DHX16: variants seen among roughly 807,000 people sequenced by gnomAD.
DHX16 encodes the protein DEAH-box helicase 16.
In DHX16, 81 loss-of-function variants were observed where a neutral mutation model predicts 131.2. The ratio of observed to expected loss-of-function variants is 0.62; its 90% CI spans 0.52 to 0.74. The LOEUF (loss-of-function observed/expected upper bound fraction) is 0.74, where lower values mean the gene tolerates loss of function less well. Among genes scored for constraint, DHX16 ranks in the 30% least tolerant of loss-of-function variants. DHX16 has a pLI of 0.00. For missense variants in DHX16, 980 were observed against 1,363.1 expected, an observed-to-expected ratio of 0.72 and a Z score of 4.43; for synonymous variants, 440 against 520.2, an observed-to-expected ratio of 0.85 and a Z score of 2.10.
Position 30,659,720 on chromosome 6 carries a change from C to T in DHX16, c.1854+16G>A. The stretch of plus-strand genomic sequence containing the variant: ...CCCTGGGATACATCATCCCCTCTCC[C>T]CACCATGTCAGGCACCTGTCCTGTC... On this transcript the variant is annotated intron_variant, in intron 11 of 19. Coordinates refer to ENST00000376442, the MANE Select transcript of DHX16 (RefSeq NM_003587.5). 4.3e-6 allele frequency: 7 copies of T among 1,613,644 alleles called. No homozygotes were observed. Among genetic ancestry groups the T allele is most frequent in the Non-Finnish European group, 5.1e-6 (6 of 1,179,724 alleles).
intron 11 of DHX16, 53 bp downstream of exon 11, chr6:30,659,683 G>A (rs868385219): frequency 2.5e-5 from 41 of 1,612,512 alleles, no homozygotes; most frequent in South Asian, 2.0e-4. Context: ...CCAACATGCC[G>A]GCCCTGTCTT....
chr6:30,655,287 T>G lies in DHX16; in HGVS notation c.2711A>C (p.Gln904Pro). The G allele has an allele frequency of 6.2e-7, 1 of 1,614,154 alleles. No homozygotes were observed. Among genetic ancestry groups the G allele is most frequent in the Non-Finnish European group, 8.5e-7 (1 of 1,180,032 alleles). The change falls in exon 18 of 20, where the codon CAG becomes CCG. Residue 904 changes from glutamine to proline, a missense_variant. Gln to Pro is a moderately conservative substitution (Grantham distance 76, BLOSUM62 -1). Coordinates refer to ENST00000376442, the MANE Select transcript of DHX16 (RefSeq NM_003587.5). The part of the protein sequence containing the change: ...SSQWCYENFV[Q>P]FRSMRRARDV... Reference sequence around the variant, plus strand: ...CCGGGCTCGGCGCATCGATCTGAACTGTACAAAGTTCTCATAGCACCACTG... The same window carrying G: ...CCGGGCTCGGCGCATCGATCTGAACGGTACAAAGTTCTCATAGCACCACTG...
Position 30,653,144 on chromosome 6 carries a change from C to A in DHX16, c.*98G>T. 1 of 1,413,380 alleles carries A rather than the reference C, an allele frequency of 7.1e-7. No homozygotes were observed. Among genetic ancestry groups the A allele is most frequent in the South Asian group, 1.4e-5 (1 of 70,610 alleles). 87.6% of individuals were successfully genotyped at this position (1,413,380 alleles called of 1,614,324 possible). A position where few individuals can be genotyped will look rare whatever the true frequency, so the allele number is the denominator to read the frequency against. ...TCACTTTCTCTAGATCCCAAATGTT[C>A]CCACAAGCTTTATTCCAAAAATAAT... On this transcript the variant is annotated 3_prime_UTR_variant, in exon 20 of 20. Coordinates refer to ENST00000376442, the MANE Select transcript of DHX16 (RefSeq NM_003587.5).
Position 30,665,991 on chromosome 6 carries a change from T to C in DHX16, c.667-258A>G, listed in dbSNP as rs1457890885. 6.6e-6 allele frequency among the ~76,000 whole-genome samples: 1 copy of C among 152,230 alleles called. No homozygotes were observed. The highest frequency in any genetic ancestry group is 6.5e-5 in the Admixed American group (1 of 15,278). On this transcript the variant is annotated intron_variant, in intron 4 of 19. Coordinates refer to ENST00000376442, the MANE Select transcript of DHX16 (RefSeq NM_003587.5). The surrounding 1 kb of genome is among the most constrained non-coding windows in gnomAD (Gnocchi z 4.8). Reference sequence around the variant, plus strand: ...AAAGTCCTCTTAGGCAGCATTATCATCTTTGTTAATATAGATGCACTAGGG... The same window carrying C: ...AAAGTCCTCTTAGGCAGCATTATCACCTTTGTTAATATAGATGCACTAGGG...
chr6:30,671,548 T>G (rs944473965), intron 1 of DHX16, among the ~76,000 whole-genome samples: 3 of 152,110 alleles, frequency 2.0e-5, no homozygotes, highest in Admixed American at 6.6e-5. Flanking sequence ...GGTTTCACCA[T>G]GTTGGCCAGG....
chr6:30,656,833 T>C lies in DHX16; in HGVS notation c.2149-74A>G. 3 of 1,600,414 alleles carry C rather than the reference T, an allele frequency of 1.9e-6. No individual in the cohort carries two copies. The highest frequency in any genetic ancestry group is 2.6e-6 in the Non-Finnish European group (3 of 1,174,098). Reference sequence around the variant, plus strand: ...AAAAAGGCAGTATTTATGCAAGAAATCTGGAAGGATGCAAACTGCTCATCC... The same window carrying C: ...AAAAAGGCAGTATTTATGCAAGAAACCTGGAAGGATGCAAACTGCTCATCC... On this transcript the variant is annotated intron_variant, in intron 13 of 19. Transcript: ENST00000376442. The surrounding 1 kb of genome is among the most constrained non-coding windows in gnomAD (Gnocchi z 5.1).
In DHX16 at chr6:30,655,616, A is replaced by G; in HGVS notation, c.2499-19T>C. On this transcript the variant is annotated intron_variant, in intron 16 of 19. Transcript: ENST00000376442. ...GCTGTACCTGGGACAGGAAGGGGAA[A>G]GCATGAGTTCAAAGCAAGACACATA... The G allele has an allele frequency of 6.2e-7, 1 of 1,612,952 alleles. No individual in the cohort carries two copies. Among genetic ancestry groups the G allele is most frequent in the Non-Finnish European group, 8.5e-7 (1 of 1,179,948 alleles).
In DHX16 at chr6:30,662,417, G is replaced by C. The variant is rs1170416451; in HGVS notation, c.1544+210C>G. Among the ~76,000 whole-genome samples, 2 of 152,176 alleles carry C rather than the reference G, an allele frequency of 1.3e-5. No homozygotes were observed. Among genetic ancestry groups the C allele is most frequent in the Non-Finnish European group, 2.9e-5 (2 of 68,044 alleles). ...TCGGCAGCAATGCTCTGCTATCCTG[G>C]TTGTTTTCTAAACCCTGGAGATGAA... On this transcript the variant is annotated intron_variant, in intron 9 of 19. Transcript: ENST00000376442. This position sits in a 1 kb window ranked among gnomAD's most constrained non-coding sequence, Gnocchi z 4.7.
intron 12 of DHX16, 93 bp downstream of exon 12, chr6:30,659,379 G>T: frequency 7.4e-7 from 1 of 1,356,104 alleles, no homozygotes. Context: ...GCAGCAGTGC[G>T]CAGGACTCAC....
At position 30,656,521 on chromosome 6, in the gene DHX16, T is replaced by C; in HGVS notation, c.2312-12A>G. The C allele has an allele frequency of 6.2e-7, 1 of 1,613,980 alleles. No individual in the cohort carries two copies. Among genetic ancestry groups the C allele is most frequent in the East Asian group, 2.2e-5 (1 of 44,872 alleles). On this transcript the variant is annotated splice_polypyrimidine_tract_variant and intron_variant, in intron 14 of 19. Coordinates refer to ENST00000376442, the MANE Select transcript of DHX16 (RefSeq NM_003587.5). This position sits in a 1 kb window ranked among gnomAD's most constrained non-coding sequence, Gnocchi z 5.1. ...TAGGTCATGGATCCCTAGAAAGAGG[T>C]GTGATGGATGGAACAGAGTCCCTTC...
chr6:30,663,433 A>G (rs1295952575), intron 7 of DHX16, among the ~76,000 whole-genome samples: 1 of 151,992 alleles, frequency 6.6e-6, no homozygotes, highest in African/African-American at 2.4e-5. Context: ...TAAAAATTCA[A>G]AATTTTGACC....
rs1214878714 is a variant in DHX16, at chr6:30,665,090, G to A, written c.1106C>T (p.Thr369Ile). The change falls in exon 6 of 20, where the codon ACT (threonine) becomes ATT (isoleucine). Residue 369 changes from threonine to isoleucine, a missense_variant. Physicochemically the swap from Thr to Ile is moderately conservative, Grantham distance 89. This residue lies in a region of DHX16 where 457 missense variants were observed against 554.8 expected (regional missense o/e 0.82). Transcript: ENST00000376442. This position sits in a 1 kb window ranked among gnomAD's most constrained non-coding sequence, Gnocchi z 4.8. Reference protein sequence around the residue: ...EEETIEFVRATQLQGDEEPSA... With the variant: ...EEETIEFVRAIQLQGDEEPSA... The stretch of plus-strand genomic sequence containing the variant: ...TCTTACCTCATCACCCTGGAGCTGA[G>A]TGGCCCGGACAAACTCAATGGTCTC... 1 of 1,614,076 alleles carries A rather than the reference G, an allele frequency of 6.2e-7. No individual in the cohort carries two copies. Among genetic ancestry groups the A allele is most frequent in the Admixed American group, 1.7e-5 (1 of 60,008 alleles).
In DHX16 at chr6:30,655,306, ACCACTGGGAAGAGTAACCACTCTCAGC is replaced by A; in HGVS notation, c.2665_2691del (p.Ala889_Trp897del). 6.2e-7 allele frequency: 1 copy of A among 1,614,072 alleles called. No individual in the cohort carries two copies. ...CTGAACTGTACAAAGTTCTCATAGC[ACCACTGGGAAGAGTAACCACTCTCAGC>A]CCACTGGGAAGACAGTTAAAAAGAA... On this transcript the variant is annotated inframe_deletion, in exon 18 of 20. Coordinates refer to ENST00000376442, the MANE Select transcript of DHX16 (RefSeq NM_003587.5).
rs770518476 is a variant in DHX16 at position 30,664,993 on chromosome 6, C to T, written c.1126-1G>A. 1 of 1,613,852 alleles carries T rather than the reference C, an allele frequency of 6.2e-7. No individual in the cohort carries two copies. Among genetic ancestry groups the T allele is most frequent in the Non-Finnish European group, 8.5e-7 (1 of 1,179,858 alleles). ...TTGAAGTGGGTGGAGCTGACGGCTC[C>T]TAAGGAAAGAGAAGGAGGTGTGAGC... On this transcript the variant is annotated splice_acceptor_variant, in intron 6 of 19. Coordinates refer to ENST00000376442, the MANE Select transcript of DHX16 (RefSeq NM_003587.5). LOFTEE classifies it high-confidence loss of function.
chr6:30,671,037 C>T lies in DHX16; in HGVS notation c.445G>A (p.Gly149Arg). The T allele has an allele frequency of 1.2e-6, 2 of 1,613,046 alleles. No individual in the cohort carries two copies. The highest frequency in any genetic ancestry group is 2.2e-5 in the South Asian group (2 of 91,086). ...EASEKGKKKT[G>R]GSKQQTEKPE... ...TCTCTCACCCTGCTTCTGACTTACC[C>T]TGTTTTCTTCTTCCCTTTCTCAGAA... Residue 149 changes from glycine (G) to arginine (R), a missense_variant and splice_region_variant, in exon 2 of 20, where the codon GGG (glycine) becomes AGG (arginine). Transcript: ENST00000376442.
intron 4 of DHX16, among the ~76,000 whole-genome samples, chr6:30,667,525 T>C (rs1769155538): frequency 6.9e-6 from 1 of 145,980 alleles, no homozygotes; most frequent in Non-Finnish European, 1.5e-5. Flanking sequence ...GAGCTTGCAG[T>C]GAGCCGAGAT....
chr6:30,662,529 G>T lies in DHX16; in HGVS notation c.1544+98C>A. The stretch of plus-strand genomic sequence containing the variant: ...CTGGAGGTCAGTTCAAGGACCATTT[G>T]AACCACAAAGATTCAAGAACGGGTG... On this transcript the variant is annotated intron_variant, in intron 9 of 19. Coordinates refer to ENST00000376442, the MANE Select transcript of DHX16 (RefSeq NM_003587.5). This position sits in a 1 kb window ranked among gnomAD's most constrained non-coding sequence, Gnocchi z 4.7. 9.6e-7 allele frequency: 1 copy of T among 1,046,974 alleles called. No individual in the cohort carries two copies. Among genetic ancestry groups the T allele is most frequent in the Non-Finnish European group, 1.5e-6 (1 of 688,802 alleles). The allele number at this position is 1,046,974 out of a possible 1,614,324, so 64.9% of individuals were successfully genotyped here.
rs1449787065 is a variant in DHX16, at chr6:30,672,963, C to T, written c.-122G>A. ...GCTTCGCAAGTCAGCTACCTTGGGACCTCTAGGATCTTCCGACATCCCAAA... is the reference window on the plus strand; with the variant it reads ...GCTTCGCAAGTCAGCTACCTTGGGATCTCTAGGATCTTCCGACATCCCAAA... On this transcript the variant is annotated 5_prime_UTR_variant, in exon 1 of 20. Transcript: ENST00000376442. The T allele has an allele frequency of 1.9e-6, 3 of 1,553,044 alleles. No individual in the cohort carries two copies. Among genetic ancestry groups the T allele is most frequent in the Non-Finnish European group, 2.6e-6 (3 of 1,147,776 alleles).
intron 4 of DHX16, among the ~76,000 whole-genome samples, chr6:30,668,381 T>C (rs1212761867): frequency 6.6e-6 from 1 of 152,172 alleles, no homozygotes; most frequent in Admixed American, 6.5e-5. Context: ...CTGGGCACAG[T>C]GGCTCACGCC....
Sources: gnomAD v4.1 joint callset for allele counts (sites outside exome capture counted in the v4.1 genomes callset) on GRCh38, gnomAD v4.1.1 for gene constraint, gnomAD v4.1.1 regional missense constraint, Gnocchi (gnomAD v3.1) non-coding constraint, MANE v1.5 for transcripts, NCBI Gene and HGNC (gene_info 2026-07-23, HGNC 2026-07-21) for gene names.